The following PLAU variants were observed in gnomAD, a reference collection of about 807,000 sequenced individuals.
PLAU encodes plasminogen activator, urokinase.
Under a neutral mutation model 48.9 loss-of-function variants are expected in PLAU, and 32 were observed. The ratio of observed to expected loss-of-function variants is 0.65; its 90% CI spans 0.49 to 0.88. PLAU has a LOEUF of 0.88. Among genes scored for constraint, PLAU ranks in the 40% least tolerant of loss-of-function variants. PLAU has a pLI of 0.00. For missense variants in PLAU, 455 were observed against 545.2 expected (o/e 0.83, Z 1.65); for synonymous variants, 199 against 205.7 (o/e 0.97, Z 0.28).
chr10:73,909,886 A>G (rs1400294499), upstream of PLAU: 1 of 83,780 alleles, frequency 1.2e-5, no homozygotes, highest in Non-Finnish European at 2.7e-5. Context: ...GTGCCCAGAG[A>G]TGCGTGTGTG....
chr10:73,914,567 C>T (rs1326407544), intron 8 of PLAU, among the ~76,000 whole-genome samples: 2 of 152,192 alleles, frequency 1.3e-5, no homozygotes, highest in Admixed American at 6.5e-5. Context: ...TATGCAGTGG[C>T]TCTGGCCATC....
intron 2 of PLAU, 59 bp from the exon 3 acceptor site, chr10:73,911,982 A>ACCCTGGAGT: frequency 6.2e-7 from 1 of 1,613,994 alleles, no homozygotes; most frequent in Non-Finnish European, 8.5e-7. Context: ...GTTTACCCTC[A>ACCCTGGAGT]CCCTGGAGTC....
At chr10:73,914,716 C>A in intron 8 of PLAU, 60 bp from the exon 9 acceptor site, 1 of 1,537,338 alleles carries the variant, frequency 6.5e-7, no homozygotes, top group Non-Finnish European at 8.8e-7. Context: ...TTGGAGGGGA[C>A]AGATGGGGAC....
chr10:73,914,189 A>G (rs2096131403), intron 8 of PLAU, 61 bp downstream of exon 8: 2 of 1,579,282 alleles, frequency 1.3e-6, no homozygotes, highest in Non-Finnish European at 1.7e-6. Flanking sequence ...GGACCCAGGG[A>G]GAGACTGGAG....
chr10:73,913,660 G>T lies in PLAU; in HGVS notation c.582G>T (p.Ala194=). 6.2e-7 allele frequency: 1 copy of T among 1,613,894 alleles called. No homozygotes were observed. Among genetic ancestry groups the T allele is most frequent in the Non-Finnish European group, 8.5e-7 (1 of 1,179,940 alleles). Residue 194 remains alanine (A), a synonymous_variant, in exon 7 of 11, where the codon GCG becomes GCT. Transcript: ENST00000372764. ...CCATCGAGAACCAGCCCTGGTTTGC[G>T]GCCATCTACAGGAGGCACCGGGGGG... ...FTTIENQPWF[A]AIYRRHRGGS...
At position 73,913,014 on chromosome 10, in the gene PLAU, A is replaced by T. The variant is rs1219010971; in HGVS notation, c.284A>T (p.Asn95Ile). The T allele has an allele frequency of 6.2e-7, 1 of 1,614,114 alleles. No individual in the cohort carries two copies. Among genetic ancestry groups the T allele is most frequent in the African/African-American group, 1.3e-5 (1 of 75,022 alleles). ...ATGGGCCGGCCCTGCCTGCCCTGGA[A>T]CTCTGCCACTGTCCTTCAGCAAACG... is the stretch of plus-strand genomic sequence containing the variant. ...DTMGRPCLPW[N>I]SATVLQQTYH... Residue 95 changes from asparagine to isoleucine, a missense_variant, in exon 5 of 11, where the codon AAC (asparagine) becomes ATC (isoleucine). Physicochemically the swap from Asn to Ile is moderately radical, Grantham distance 149 (BLOSUM62 -3). Transcript: ENST00000372764.
Position 73,914,851 on chromosome 10 carries a change from C to G in PLAU, c.905C>G (p.Ser302Trp). The G allele has an allele frequency of 1.2e-6, 2 of 1,614,086 alleles. No individual in the cohort carries two copies. Among genetic ancestry groups the G allele is most frequent in the Non-Finnish European group, 1.7e-6 (2 of 1,179,960 alleles). ...SRTIQTICLP[S>W]MYNDPQFGTS... is the part of the protein sequence containing the mutation. ...ACTATACAGACCATCTGCCTGCCCT[C>G]GATGTATAACGATCCCCAGTTTGGC... Residue 302 changes from serine to tryptophan, a missense_variant, in exon 9 of 11, where the codon TCG (serine) becomes TGG (tryptophan). Physicochemically the swap from Ser to Trp is radical, Grantham distance 177. Coordinates refer to ENST00000372764, the MANE Select transcript of PLAU (RefSeq NM_002658.6).
Position 73,913,057 on chromosome 10 carries a change from T to C in PLAU, c.327T>C (p.Ser109=). Residue 109 remains serine (S), a synonymous_variant, in exon 5 of 11, where the codon TCT becomes TCC. Transcript: ENST00000372764. The part of the protein sequence containing the change: ...VLQQTYHAHR[S]DALQLGLGKH... ...AGCAAACGTACCATGCCCACAGATC[T>C]GATGCTCTTCAGCTGGGCCTGGGGA... 6.2e-7 allele frequency: 1 copy of C among 1,614,118 alleles called. No individual in the cohort carries two copies. Among genetic ancestry groups the C allele is most frequent in the Non-Finnish European group, 8.5e-7 (1 of 1,179,998 alleles).
At chr10:73,915,548 C>A in intron 10 of PLAU, 149 bp downstream of exon 10, 2 of 704,246 alleles carry the variant, frequency 2.8e-6, no homozygotes, top group Non-Finnish European at 4.5e-6. Context: ...TAAACCAGTC[C>A]TTATGTGTTT....
chr10:73,909,205 G>C (rs1192138653), upstream of PLAU: 1 of 152,210 alleles, frequency 6.6e-6, no homozygotes, highest in East Asian at 1.9e-4. Flanking sequence ...CTCCAGCCAA[G>C]TAATCTGGAG....
upstream of PLAU, among the ~76,000 whole-genome samples, chr10:73,909,489 A>G (rs780600030): frequency 4.1e-4 from 63 of 152,354 alleles, no homozygotes; most frequent in Admixed American, 2.0e-4. Flanking sequence ...AAGTCTCTCC[A>G]GAAGACAGTG....
intron 8 of PLAU, 42 bp downstream of exon 8, chr10:73,914,170 G>A (rs764673067): frequency 1.2e-6 from 2 of 1,605,610 alleles, no homozygotes; most frequent in African/African-American, 1.3e-5. Context: ...TAATGGCTTG[G>A]GGAGAGTGGG....
rs1240622365 is a variant in PLAU at position 73,913,023 on chromosome 10, C to T, written c.293C>T (p.Thr98Ile). 1.3e-5 allele frequency: 21 copies of T among 1,614,190 alleles called. No individual in the cohort carries two copies. In the East Asian group the frequency reaches 4.7e-4, roughly 36 times the overall value. ...CCCTGCCTGCCCTGGAACTCTGCCA[C>T]TGTCCTTCAGCAAACGTACCATGCC... is the stretch of plus-strand genomic sequence containing the variant. Reference protein sequence around the residue: ...GRPCLPWNSATVLQQTYHAHR... With the variant: ...GRPCLPWNSAIVLQQTYHAHR... The change falls in exon 5 of 11, where the codon ACT becomes ATT. Residue 98 changes from threonine to isoleucine, a missense_variant. By Grantham distance (89) the Thr-to-Ile change is moderately conservative. Transcript: ENST00000372764.
intron 2 of PLAU, chr10:73,911,835 G>A: frequency 1.3e-6 from 2 of 1,552,090 alleles, no homozygotes; most frequent in Non-Finnish European, 1.7e-6. Flanking sequence ...CCCAGCCTGC[G>A]GGCATCTGGT....
rs557926110 is a variant in PLAU at position 73,913,619 on chromosome 10, G to A, written c.541G>A (p.Gly181Arg). 3 of 1,613,870 alleles carry A rather than the reference G, an allele frequency of 1.9e-6. No individual in the cohort carries two copies. The highest frequency in any genetic ancestry group is 1.1e-5 in the South Asian group (1 of 91,046). Residue 181 changes from glycine to arginine, a missense_variant, in exon 7 of 11, where the codon GGG becomes AGG. Coordinates refer to ENST00000372764, the MANE Select transcript of PLAU (RefSeq NM_002658.6). ...KTLRPRFKIIGGEFTTIENQP... is the reference protein window; with the variant it reads ...KTLRPRFKIIRGEFTTIENQP... ...TCTGAGGCCCCGCTTTAAGATTATTGGGGGAGAATTCACCACCATCGAGAA... is the reference window on the plus strand; with the variant it reads ...TCTGAGGCCCCGCTTTAAGATTATTAGGGGAGAATTCACCACCATCGAGAA...
At chr10:73,909,174 C>T (rs1231543585), upstream of PLAU, 1 of 152,150 alleles carries the variant, frequency 6.6e-6, no homozygotes, top group Non-Finnish European at 1.5e-5. Context: ...GTCATCTGCT[C>T]TCAGCAATCA....
chr10:73,916,519 C>T lies in PLAU; in HGVS notation c.1250C>T (p.Pro417Leu). The part of the protein sequence containing the change: ...GVYTRVSHFL[P>L]WIRSHTKEEN... ...TACACGAGAGTCTCACACTTCTTAC[C>T]CTGGATCCGCAGTCACACCAAGGAA... The change falls in exon 11 of 11, where the codon CCC (proline) becomes CTC (leucine). Residue 417 changes from proline (P) to leucine (L), a missense_variant. Physicochemically the swap from Pro to Leu is moderately conservative, Grantham distance 98 (BLOSUM62 -3). Transcript: ENST00000372764. 6.2e-7 allele frequency: 1 copy of T among 1,613,916 alleles called. No individual in the cohort carries two copies. The highest frequency in any genetic ancestry group is 2.2e-5 in the East Asian group (1 of 44,888).
At chr10:73,911,697 G>A in intron 2 of PLAU, 85 bp downstream of exon 2, 3 of 1,579,862 alleles carry the variant, frequency 1.9e-6, no homozygotes, top group Non-Finnish European at 2.6e-6. Context: ...AGGGAGCTGG[G>A]GTCCTCCGGA....
chr10:73,913,381 G>A lies in PLAU; in HGVS notation c.460G>A (p.Gly154Arg). ...GTGCATGGTGCATGACTGCGCAGATGGTGAGCATCACTGACCTGCTGATGA... is the reference window on the plus strand; with the variant it reads ...GTGCATGGTGCATGACTGCGCAGATAGTGAGCATCACTGACCTGCTGATGA... ...QECMVHDCAD[G>R]KKPSSPPEEL... Residue 154 changes from glycine (G) to arginine (R), a missense_variant and splice_region_variant, in exon 6 of 11, where the codon GGA becomes AGA. Gly to Arg is a moderately radical substitution (Grantham distance 125, BLOSUM62 -2). Transcript: ENST00000372764. 6.2e-7 allele frequency: 1 copy of A among 1,613,020 alleles called. No homozygotes were observed. Among genetic ancestry groups the A allele is most frequent in the Non-Finnish European group, 8.5e-7 (1 of 1,179,018 alleles).
Sources: allele counts gnomAD v4.1 joint callset (sites outside exome capture counted in the v4.1 genomes callset), GRCh38; gene constraint gnomAD v4.1.1; transcripts MANE v1.5; gene names NCBI Gene and HGNC (gene_info 2026-07-23, HGNC 2026-07-21).